Variants in TYW1B observed in about 807,000 individuals in gnomAD.
The protein encoded by TYW1B is tRNA-yW synthesizing protein 1 homolog B.
TYW1B carries 73 observed loss-of-function variants against 86.9 expected under a neutral mutation model. The observed-to-expected ratio is 0.84, with a 90% confidence interval of 0.70 to 1.02. The LOEUF is 1.02. Ranked by LOEUF, TYW1B falls within the 50% of genes least tolerant of loss-of-function variation. TYW1B has a pLI of 0.00. For synonymous variants in TYW1B, 248 were observed against 292.8 expected, an observed-to-expected ratio of 0.85 and a Z score of 1.56; for missense variants, 637 against 827.4, an observed-to-expected ratio of 0.77 and a Z score of 2.82.
intron 5 of TYW1B, among the ~76,000 whole-genome samples, chr7:72,802,802 G>A (rs1170619294): frequency 1.3e-5 from 2 of 152,008 alleles, no homozygotes; most frequent in Non-Finnish European, 2.9e-5. Context: ...TGTAGTTTTA[G>A]TAGAGACAGG....
chr7:72,589,932 T>A (rs1246345849), intron 13 of TYW1B, among the ~76,000 whole-genome samples: 1 of 152,294 alleles, frequency 6.6e-6, no homozygotes. Flanking sequence ...AGGAAACTTG[T>A]AGGAAAAAGC....
At chr7:72,608,692 T>C (rs567688260) in intron 13 of TYW1B, among the ~76,000 whole-genome samples, 6 of 152,314 alleles carry the variant, frequency 3.9e-5, no homozygotes, top group Admixed American at 2.6e-4. Context: ...CAGAAAAACA[T>C]ATACCATGCA....
intron 8 of TYW1B, among the ~76,000 whole-genome samples, chr7:72,732,789 A>G (rs1374261131): frequency 6.6e-6 from 1 of 152,108 alleles, no homozygotes; most frequent in Non-Finnish European, 1.5e-5. Context: ...AGTTGAGACT[A>G]AAAGAACACA....
intron 12 of TYW1B, among the ~76,000 whole-genome samples, chr7:72,619,717 T>C (rs1240605629): frequency 4.6e-5 from 7 of 151,254 alleles, no homozygotes; most frequent in Non-Finnish European, 8.8e-5. Flanking sequence ...ACCAAGTGCA[T>C]AAAAAACATG....
In TYW1B at chr7:72,818,528, G is replaced by A. The variant is rs184473603; in HGVS notation, c.136-3047C>T. ...TGGGAGGCAGAGGCTGCAGTGAGCC[G>A]AGACCACACCACTGTACTCCAGCCT... On this transcript the variant is annotated intron_variant, in intron 2 of 13. Coordinates refer to ENST00000620995, the MANE Select transcript of TYW1B (RefSeq NM_001145440.3). Among the ~76,000 whole-genome samples the A allele has an allele frequency of 1.3e-4, 17 of 127,346 alleles. No individual in the cohort carries two copies. In the East Asian group the frequency reaches 3.1e-3, roughly 23 times the overall value. The allele number at this position is 127,346 out of a possible 152,430, so 83.5% of individuals were successfully genotyped here. A position where few individuals can be genotyped will look rare whatever the true frequency, so the allele number is the denominator to read the frequency against.
intron 3 of TYW1B, among the ~76,000 whole-genome samples, chr7:72,814,031 A>G (rs1478514262): frequency 6.6e-6 from 1 of 150,632 alleles, no homozygotes; most frequent in Non-Finnish European, 1.5e-5. Context: ...AAAAAAAAAG[A>G]TATTAACCAA....
chr7:72,702,005 G>A (rs1814488514), intron 10 of TYW1B, among the ~76,000 whole-genome samples: 1 of 152,222 alleles, frequency 6.6e-6, no homozygotes, highest in Non-Finnish European at 1.5e-5. Flanking sequence ...CTGATCGTGT[G>A]AGTGGGGTTG....
chr7:72,659,586 GA>G (rs1813283291), intron 11 of TYW1B, among the ~76,000 whole-genome samples: 1 of 151,970 alleles, frequency 6.6e-6, no homozygotes. Context: ...TCAAAGAAAA[GA>G]AAAGAAAAAA....
intron 8 of TYW1B, among the ~76,000 whole-genome samples, chr7:72,735,646 G>C (rs1285161633): frequency 1.3e-5 from 2 of 151,288 alleles, no homozygotes; most frequent in Non-Finnish European, 2.9e-5. Context: ...AAGGGAGGCA[G>C]ATCACCTGAG....
intron 4 of TYW1B, 65 bp from the exon 5 acceptor site, chr7:72,807,421 T>G: frequency 6.5e-7 from 1 of 1,548,538 alleles, no homozygotes; most frequent in Non-Finnish European, 8.7e-7. Context: ...CAGACTGCTC[T>G]GCAAAAGCCC....
Position 72,575,495 on chromosome 7 carries a change from A to G in TYW1B, c.*3T>C. On this transcript the variant is annotated 3_prime_UTR_variant, in exon 14 of 14. Transcript: ENST00000620995. Reference sequence around the variant, plus strand: ...TCCTTCAGTACCTTGAAATCAGATAATCTCAACATCCAGAAATAGCCTTTG... The same window carrying G: ...TCCTTCAGTACCTTGAAATCAGATAGTCTCAACATCCAGAAATAGCCTTTG... 6.3e-7 allele frequency: 1 copy of G among 1,597,770 alleles called. No individual in the cohort carries two copies. The highest frequency in any genetic ancestry group is 8.5e-7 in the Non-Finnish European group (1 of 1,174,906).
At chr7:72,819,744 T>G (rs1233594556) in intron 2 of TYW1B, among the ~76,000 whole-genome samples, 1 of 152,154 alleles carries the variant, frequency 6.6e-6, no homozygotes, top group Non-Finnish European at 1.5e-5. Context: ...AATCTATGTT[T>G]TAAAAAGGTT....
At chr7:72,725,844 G>T (rs1786988561) in intron 9 of TYW1B, among the ~76,000 whole-genome samples, 1 of 151,920 alleles carries the variant, frequency 6.6e-6, no homozygotes, top group Admixed American at 6.6e-5. Flanking sequence ...ATGAACAAAT[G>T]AATCTCAATC....
At chr7:72,737,698 T>C (rs113042601) in intron 8 of TYW1B, among the ~76,000 whole-genome samples, 6 of 152,306 alleles carry the variant, frequency 3.9e-5, no homozygotes, top group African/African-American at 1.4e-4. Flanking sequence ...AACATACTTT[T>C]GTCTTGCAAG....
rs782680796 is a variant in TYW1B at position 72,794,820 on chromosome 7, C to CT, written c.846+7579dup. ...ATCAAGTAACAACTTCCCCACTTTTCTTTTTTTTTTTTTTTGAGACAGGGT... is the reference window on the plus strand; with the variant it reads ...ATCAAGTAACAACTTCCCCACTTTTCTTTTTTTTTTTTTTTTGAGACAGGGT... On this transcript the variant is annotated intron_variant, in intron 6 of 13. Coordinates refer to ENST00000620995, the MANE Select transcript of TYW1B (RefSeq NM_001145440.3). Among the ~76,000 whole-genome samples the CT allele has an allele frequency of 7.2e-3, 995 of 139,086 alleles. 10 individuals are homozygous for CT. Among genetic ancestry groups the CT allele is most frequent in the Non-Finnish European group, 0.01 (636 of 63,376 alleles). The allele number at this position is 139,086 out of a possible 152,430, so 91.2% of individuals were successfully genotyped here. A position where few individuals can be genotyped will look rare whatever the true frequency, so the allele number is the denominator to read the frequency against.
At position 72,826,960 on chromosome 7, in the gene TYW1B, G is replaced by C. The variant is rs781913574; in HGVS notation, c.30C>G (p.Leu10=). 1.1e-5 allele frequency: 18 copies of C among 1,612,182 alleles called. No homozygotes were observed. Among genetic ancestry groups the C allele is most frequent in the Admixed American group, 1.7e-5 (1 of 59,266 alleles). MDPSADTWD[L]SSPLISLWIN... ...TCCATAATGATATTAAAGGTGAGGA[G>C]AGGTCCCATGTATCCGCAGAAGGAT... The change falls in exon 2 of 14, where the codon CTC becomes CTG. Residue 10 remains leucine, a synonymous_variant. Transcript: ENST00000620995.
chr7:72,737,931 A>T (rs55931045), intron 8 of TYW1B, among the ~76,000 whole-genome samples: 118,865 of 150,870 alleles, frequency 0.79, 47,019 homozygotes, highest in Non-Finnish European at 0.8. Flanking sequence ...CCCGCCACCA[A>T]GCCCGGCTAA....
intron 8 of TYW1B, among the ~76,000 whole-genome samples, chr7:72,732,094 T>C (rs1170238465): frequency 6.6e-6 from 1 of 151,966 alleles, no homozygotes; most frequent in Admixed American, 6.6e-5. Context: ...CTAACAACTG[T>C]AAATATTTAT....
chr7:72,772,044 T>A (rs2129571911), intron 7 of TYW1B, among the ~76,000 whole-genome samples: 1 of 151,938 alleles, frequency 6.6e-6, no homozygotes, highest in South Asian at 2.1e-4. Flanking sequence ...GAATGGGGTT[T>A]CACCATGTTG....
Sources: gnomAD v4.1 joint callset for allele counts (sites outside exome capture counted in the v4.1 genomes callset) on GRCh38, gnomAD v4.1.1 for gene constraint, MANE v1.5 for transcripts, NCBI Gene and HGNC (gene_info 2026-07-23, HGNC 2026-07-21) for gene names.